The following STPG2 variants were observed in gnomAD, a reference collection of about 807,000 sequenced individuals.
The protein encoded by STPG2 is sperm tail PG-rich repeat containing 2, also known as sperm-tail PG-rich repeat-containing protein 2.
STPG2 carries 56 observed loss-of-function variants against 54.2 expected under a neutral mutation model. The observed-to-expected ratio is 1.03, with a 90% CI of 0.83 to 1.29. The LOEUF (loss-of-function observed/expected upper bound fraction) is 1.29. STPG2 is among the 50% of genes most tolerant of loss of function. The probability of loss-of-function intolerance (pLI) is 0.00; values close to 1 mark genes in which losing one functional copy is unlikely to be tolerated. For missense variants in STPG2, 596 were observed against 544.9 expected, an observed-to-expected ratio of 1.09 and a Z score of -0.93; for synonymous variants, 200 against 181.8, an observed-to-expected ratio of 1.10 and a Z score of -0.81.
At chr4:98,008,819 T>C (rs568884111) in intron 5 of STPG2, among the ~76,000 whole-genome samples, 11 of 152,200 alleles carry the variant, frequency 7.2e-5, no homozygotes, top group African/African-American at 2.4e-4. Flanking sequence ...TGTGTGCTGC[T>C]TACTCATTAT....
intron 10 of STPG2, among the ~76,000 whole-genome samples, chr4:97,602,787 C>T (rs1033378673): frequency 6.6e-5 from 10 of 151,698 alleles, no homozygotes; most frequent in South Asian, 2.1e-4. Flanking sequence ...CATTATTTTA[C>T]GCCTTTATTG....
chr4:97,652,713 A>G (rs1276300346), intron 10 of STPG2, among the ~76,000 whole-genome samples: 1 of 152,010 alleles, frequency 6.6e-6, no homozygotes, highest in Non-Finnish European at 1.5e-5. Flanking sequence ...AAATTCTTCT[A>G]TCATTAACAC....
intron 5 of STPG2, among the ~76,000 whole-genome samples, chr4:98,072,030 C>A (rs1480010648): frequency 1.3e-5 from 2 of 152,070 alleles, no homozygotes; most frequent in African/African-American, 4.8e-5. Context: ...GGCAGAAATA[C>A]CATTTGACCC....
intron 8 of STPG2, among the ~76,000 whole-genome samples, chr4:97,860,392 T>C (rs1380989330): frequency 1.3e-5 from 2 of 152,106 alleles, no homozygotes; most frequent in African/African-American, 4.8e-5. Context: ...TTGTGTCATC[T>C]ATGATTTTAT....
At chr4:97,470,614 G>T (rs2148814584) in intron 4 of STPG2, among the ~76,000 whole-genome samples, 1 of 151,898 alleles carries the variant, frequency 6.6e-6, no homozygotes, top group Admixed American at 6.6e-5. Context: ...TTATAAATTA[G>T]GGACAATAAG....
At chr4:97,523,565 A>G (rs1050236906) in intron 4 of STPG2, among the ~76,000 whole-genome samples, 2 of 151,988 alleles carry the variant, frequency 1.3e-5, no homozygotes, top group Non-Finnish European at 2.9e-5. Context: ...ACAGTCTTCA[A>G]GGAATGAGTG....
rs1245637200 is a variant in STPG2, at chr4:97,840,845, C to G, written c.1132G>C (p.Val378Leu). 2 of 1,612,080 alleles carry G rather than the reference C, an allele frequency of 1.2e-6. No individual in the cohort carries two copies. The highest frequency in any genetic ancestry group is 1.7e-6 in the Non-Finnish European group (2 of 1,178,660). ...AAAGAGGCATGTTTTCTTTTAGCCA[C>G]TAAACTACGAGGTGGCATATATTTA... ...KHKYMPPRSL[V>L]AKRKHASFLS... Residue 378 changes from valine (V) to leucine (L), a missense_variant, in exon 9 of 11, where the codon GTG (valine) becomes CTG (leucine). Physicochemically the swap from Val to Leu is conservative, Grantham distance 32 (BLOSUM62 1). Transcript: ENST00000295268.
intron 8 of STPG2, among the ~76,000 whole-genome samples, chr4:97,903,822 C>T (rs1731277036): frequency 6.6e-6 from 1 of 152,070 alleles, no homozygotes; most frequent in Non-Finnish European, 1.5e-5. Flanking sequence ...CTTTCCTAGT[C>T]AAAAAAAGGG....
downstream of STPG2, among the ~76,000 whole-genome samples, chr4:97,558,316 G>A (rs72889084): frequency 2.4e-3 from 370 of 152,252 alleles, 2 homozygotes; most frequent in African/African-American, 8.7e-3. Context: ...GTGAAACATA[G>A]GTGGTAGGCA....
At chr4:97,588,894 T>G (rs1167438923) in intron 10 of STPG2, among the ~76,000 whole-genome samples, 1 of 152,070 alleles carries the variant, frequency 6.6e-6, no homozygotes. Context: ...CTACTCTTCT[T>G]AGCATTTAAT....
chr4:97,858,374 G>T (rs1185075547), intron 8 of STPG2, among the ~76,000 whole-genome samples: 1 of 152,092 alleles, frequency 6.6e-6, no homozygotes, highest in Non-Finnish European at 1.5e-5. Context: ...AACCTTACAG[G>T]CCATGAAAGA....
chr4:97,789,614 C>T (rs1458136160), intron 9 of STPG2, among the ~76,000 whole-genome samples: 1 of 152,094 alleles, frequency 6.6e-6, no homozygotes, highest in Non-Finnish European at 1.5e-5. Context: ...TTCTCAAATT[C>T]TGAAAATACA....
intron 4 of STPG2, among the ~76,000 whole-genome samples, chr4:97,501,906 C>G (rs1261906163): frequency 6.6e-6 from 1 of 151,536 alleles, no homozygotes; most frequent in African/African-American, 2.4e-5. Context: ...TAAGATTTCA[C>G]AACTAAGAAA....
At chr4:97,630,965 T>C (rs1474969710) in intron 10 of STPG2, among the ~76,000 whole-genome samples, 2 of 151,936 alleles carry the variant, frequency 1.3e-5, no homozygotes, top group African/African-American at 2.4e-5. Context: ...AAAATGTTTG[T>C]GGTTCTGTGA....
chr4:97,630,930 T>C (rs1457534944), intron 10 of STPG2, among the ~76,000 whole-genome samples: 1 of 151,910 alleles, frequency 6.6e-6, no homozygotes, highest in Non-Finnish European at 1.5e-5. Flanking sequence ...ATGGACTATA[T>C]AAAGCAATGA....
intron 9 of STPG2, among the ~76,000 whole-genome samples, chr4:97,715,213 C>T (rs1477972501): frequency 1.3e-5 from 2 of 152,152 alleles, no homozygotes; most frequent in Non-Finnish European, 2.9e-5. Context: ...CAAAGACTTA[C>T]ATTGCTTCAT....
At chr4:97,558,661 C>A (rs1732141213), downstream of STPG2, among the ~76,000 whole-genome samples, 1 of 152,144 alleles carries the variant, frequency 6.6e-6, no homozygotes, top group Admixed American at 6.5e-5. Context: ...GAAGTGGCAT[C>A]CTTTCCCCGC....
At chr4:98,098,122 AC>A (rs1456706651) in intron 5 of STPG2, among the ~76,000 whole-genome samples, 6 of 152,144 alleles carry the variant, frequency 3.9e-5, no homozygotes, top group East Asian at 1.9e-4. Flanking sequence ...AAAGAAAAAA[AC>A]ATCCTAAAAT....
intron 10 of STPG2, among the ~76,000 whole-genome samples, chr4:97,679,213 A>G (rs1408600196): frequency 1.3e-5 from 2 of 152,226 alleles, no homozygotes; most frequent in African/African-American, 4.8e-5. Context: ...TAACTTCCAC[A>G]ATGGTTGAAC....
Sources: gnomAD v4.1 joint callset for allele counts (sites outside exome capture counted in the v4.1 genomes callset) on GRCh38, gnomAD v4.1.1 for gene constraint, MANE v1.5 for transcripts, NCBI Gene and HGNC (gene_info 2026-07-23, HGNC 2026-07-21) for gene names.